The following BABAM2 variants were observed in gnomAD, a reference collection of about 807,000 sequenced individuals.
BABAM2 encodes BRISC and BRCA1 A complex member 2.
A neutral mutation model predicts 54.7 loss-of-function variants in BABAM2; 31 were observed. That is an observed-to-expected ratio of 0.57 (90% CI 0.43 to 0.77). The LOEUF is 0.77. Ranked by LOEUF, BABAM2 falls within the 30% of genes least tolerant of loss-of-function variation. The pLI is 0.00. For synonymous variants in BABAM2, 167 were observed against 162.9 expected (o/e 1.03, Z -0.19); for missense variants, 364 against 455.8 (o/e 0.80, Z 1.83).
In BABAM2 at chr2:27,971,398, T is replaced by G. The variant is rs117267901; in HGVS notation, c.206-16595T>G. ...TCTTTACAGTCACATGTTCTTTTTC[T>G]TAAGCTTGTTCAAGTATAGAATAAT... On this transcript the variant is annotated intron_variant, in intron 3 of 11. Transcript: ENST00000379624. Among the ~76,000 whole-genome samples, 19 of 152,298 alleles carry G rather than the reference T, an allele frequency of 1.2e-4. No individual in the cohort carries two copies. In the East Asian group the frequency reaches 3.3e-3, roughly 26 times the overall value.
intron 6 of BABAM2, among the ~76,000 whole-genome samples, chr2:28,073,331 C>T (rs957076152): frequency 6.6e-6 from 1 of 151,690 alleles, no homozygotes; most frequent in Admixed American, 6.6e-5. Flanking sequence ...CTTGTCTTTA[C>T]AAAAAAAATT....
At chr2:27,984,289 C>T (rs1422062682) in intron 3 of BABAM2, among the ~76,000 whole-genome samples, 10 of 152,002 alleles carry the variant, frequency 6.6e-5, no homozygotes, top group Non-Finnish European at 5.9e-5. Flanking sequence ...AACTATAGGA[C>T]TTTTAAAAAC....
At chr2:28,210,635 A>G (rs1433188393) in intron 7 of BABAM2, among the ~76,000 whole-genome samples, 1 of 152,202 alleles carries the variant, frequency 6.6e-6, no homozygotes, top group Admixed American at 6.5e-5. Context: ...TCCCCTTCAG[A>G]GAGAAAGCAT....
chr2:27,900,843 G>T (rs961140204), intron 2 of BABAM2, among the ~76,000 whole-genome samples: 1 of 151,934 alleles, frequency 6.6e-6, no homozygotes, highest in Non-Finnish European at 1.5e-5. Context: ...GGAGATCGAG[G>T]TCATCCTGGC....
chr2:28,056,600 A>G (rs1678445842), intron 6 of BABAM2, among the ~76,000 whole-genome samples: 1 of 152,198 alleles, frequency 6.6e-6, no homozygotes, highest in South Asian at 2.1e-4. Context: ...TCATTTAAGT[A>G]CAGTCTATTC....
chr2:27,930,696 G>A (rs538171062), intron 3 of BABAM2, among the ~76,000 whole-genome samples: 9 of 152,316 alleles, frequency 5.9e-5, no homozygotes, highest in African/African-American at 2.2e-4. Flanking sequence ...ATCTTGGATG[G>A]ATAGTATGGA....
intron 6 of BABAM2, among the ~76,000 whole-genome samples, chr2:28,054,818 A>G (rs1453482496): frequency 1.3e-5 from 2 of 152,242 alleles, no homozygotes; most frequent in African/African-American, 4.8e-5. Flanking sequence ...TAAGATAGCT[A>G]TGCTTACCAC....
intron 10 of BABAM2, among the ~76,000 whole-genome samples, chr2:28,265,927 T>C (rs756365535): frequency 6.6e-6 from 1 of 152,200 alleles, no homozygotes; most frequent in Non-Finnish European, 1.5e-5. Context: ...GTTTTTTTAA[T>C]TAGGCCTTTC....
At chr2:28,176,569 C>CAAAAAACAAAAAAAAAAAAAAAAAA (rs1674976822) in intron 7 of BABAM2, among the ~76,000 whole-genome samples, 1 of 5,042 alleles carries the variant, frequency 2.0e-4, no homozygotes, top group Non-Finnish European at 3.5e-4. Context: ...GACTCTATCT[C>CAAAAAACAAAAAAAAAAAAAAAAAA]AAAAAAAAAA....
intron 4 of BABAM2, among the ~76,000 whole-genome samples, chr2:27,991,273 A>G (rs1672755564): frequency 6.6e-6 from 1 of 152,204 alleles, no homozygotes; most frequent in Admixed American, 6.5e-5. Flanking sequence ...GATTGAATCC[A>G]TCTTTTATAG....
At chr2:27,933,487 A>G (rs373290641) in intron 3 of BABAM2, among the ~76,000 whole-genome samples, 189 of 151,960 alleles carry the variant, frequency 1.2e-3, no homozygotes, top group Admixed American at 4.9e-3. Flanking sequence ...ATGTATGTAT[A>G]TATGTATATA....
At chr2:28,090,049 C>T (rs1316674139) in intron 6 of BABAM2, among the ~76,000 whole-genome samples, 1 of 152,068 alleles carries the variant, frequency 6.6e-6, no homozygotes, top group African/African-American at 2.4e-5. Flanking sequence ...ATACATTAGT[C>T]AGAATTTTTC....
intron 6 of BABAM2, among the ~76,000 whole-genome samples, chr2:28,123,373 T>C (rs1669240598): frequency 6.6e-6 from 1 of 152,168 alleles, no homozygotes; most frequent in Non-Finnish European, 1.5e-5. Context: ...TGGGGGACAA[T>C]AGTCTTCTTT....
chr2:28,064,508 G>A (rs1679147857), intron 6 of BABAM2, among the ~76,000 whole-genome samples: 1 of 152,126 alleles, frequency 6.6e-6, no homozygotes, highest in Non-Finnish European at 1.5e-5. Context: ...AAATGATATT[G>A]CAAAAAGCTG....
chr2:27,949,941 TG>T (rs1390018734), intron 3 of BABAM2, among the ~76,000 whole-genome samples: 3 of 152,202 alleles, frequency 2.0e-5, no homozygotes, highest in Non-Finnish European at 4.4e-5. Context: ...AAAAATTATA[TG>T]TGTGCACAGA....
At chr2:28,120,771 C>G (rs1464957296) in intron 6 of BABAM2, among the ~76,000 whole-genome samples, 2 of 152,090 alleles carry the variant, frequency 1.3e-5, no homozygotes, top group East Asian at 3.9e-4. Context: ...CATGAAGCAA[C>G]ATGGGGAAAA....
intron 8 of BABAM2, among the ~76,000 whole-genome samples, chr2:28,240,350 C>T (rs1434111976): frequency 1.3e-5 from 2 of 151,990 alleles, no homozygotes; most frequent in Non-Finnish European, 2.9e-5. Context: ...TCTTGAATTC[C>T]TGGCCTGAAG....
chr2:27,925,004 A>G (rs116134882), intron 2 of BABAM2, among the ~76,000 whole-genome samples: 2,016 of 152,300 alleles, frequency 0.013, 38 homozygotes, highest in African/African-American at 0.046. Flanking sequence ...TCCCTTGAGC[A>G]CTTTGGCTCT....
chr2:28,122,718 T>C (rs764087691), intron 6 of BABAM2, among the ~76,000 whole-genome samples: 4 of 152,186 alleles, frequency 2.6e-5, no homozygotes, highest in Non-Finnish European at 5.9e-5. Context: ...ATAATTAGCA[T>C]ATCAAAGGAG....
Sources: allele counts gnomAD v4.1 joint callset (sites outside exome capture counted in the v4.1 genomes callset), GRCh38; gene constraint gnomAD v4.1.1; transcripts MANE v1.5; gene names NCBI Gene and HGNC (gene_info 2026-07-23, HGNC 2026-07-21).